The following DNAAF11 variants were observed in gnomAD, a reference collection of about 807,000 sequenced individuals.
DNAAF11 encodes the protein leucine rich repeat containing 6.
Under a neutral mutation model 60.8 loss-of-function variants are expected in DNAAF11, and 45 were observed. That is an observed-to-expected ratio of 0.74 (90% CI 0.58 to 0.95). DNAAF11 has a LOEUF of 0.95. Ranked by LOEUF, DNAAF11 falls within the 40% of genes least tolerant of loss-of-function variation. The probability of loss-of-function intolerance (pLI) is 0.00; values close to 1 mark genes in which losing one functional copy is unlikely to be tolerated. For synonymous variants in DNAAF11, 191 were observed against 183.5 expected (o/e 1.04, Z -0.33); for missense variants, 546 against 546.2 (o/e 1.00, Z 0.00).
intron 10 of DNAAF11, among the ~76,000 whole-genome samples, chr8:132,600,707 A>G (rs1294906365): frequency 6.6e-6 from 1 of 152,238 alleles, no homozygotes; most frequent in East Asian, 1.9e-4. Context: ...GTGCTGGGAA[A>G]ACTGGCTAGC....
rs374717230 is a variant in DNAAF11 at position 132,572,238 on chromosome 8, A to C, written c.*68T>G. The C allele has an allele frequency of 5.1e-4, 677 of 1,314,994 alleles. 13 individuals are homozygous for C. The South Asian group carries it at 9.5e-3, about 18-fold the overall frequency. The allele number at this position is 1,314,994 out of a possible 1,614,324, so 81.5% of individuals were successfully genotyped here. ...TGTGTTTATCCCAGGAATAATATGC[A>C]TATGGTCTCTACACCAACCAAAACT... On this transcript the variant is annotated 3_prime_UTR_variant, in exon 12 of 12. Transcript: ENST00000620350.
chr8:132,634,700 C>T (rs1821122084), intron 4 of DNAAF11, among the ~76,000 whole-genome samples: 1 of 149,124 alleles, frequency 6.7e-6, no homozygotes, highest in Admixed American at 6.7e-5. Context: ...ATAACTAATA[C>T]TATATAAATA....
chr8:132,644,912 C>A (rs995377132), intron 3 of DNAAF11, among the ~76,000 whole-genome samples: 2 of 152,186 alleles, frequency 1.3e-5, no homozygotes, highest in African/African-American at 4.8e-5. Context: ...GGGGGCAGGG[C>A]ATAGTTGAAC....
chr8:132,578,663 A>G (rs1275246514), intron 11 of DNAAF11: 1 of 583,214 alleles, frequency 1.7e-6, no homozygotes, highest in East Asian at 2.9e-5. Flanking sequence ...CTGGTTTCCT[A>G]GTAAGCTAGC....
chr8:132,658,640 G>A (rs1386188170), intron 2 of DNAAF11, among the ~76,000 whole-genome samples: 2 of 152,136 alleles, frequency 1.3e-5, no homozygotes, highest in African/African-American at 4.8e-5. Context: ...GTTTCTATGT[G>A]CTAAGAACTA....
chr8:132,698,944 A>ATTTTGTG, the DNAAF11 span, among the ~76,000 whole-genome samples: 1 of 142,542 alleles, frequency 7.0e-6, no homozygotes. Flanking sequence ...ATACATATAT[A>ATTTTGTG]TATATATATA....
chr8:132,674,055 GAGGAGGAGGAGC>G (rs1233337222), intron 1 of DNAAF11, among the ~76,000 whole-genome samples: 2 of 144,828 alleles, frequency 1.4e-5, no homozygotes, highest in African/African-American at 5.3e-5. Context: ...GAAGGAGCAG[GAGGAGGAGGAGC>G]AGGAGGAGGA....
intron 6 of DNAAF11, chr8:132,622,890 A>G: frequency 1.9e-6 from 1 of 534,530 alleles, no homozygotes; most frequent in Non-Finnish European, 3.3e-6. Flanking sequence ...CAGATTTTTT[A>G]TATGGTTGTA....
In DNAAF11 at chr8:132,661,558, G is replaced by C. The variant is rs777870754; in HGVS notation, c.80C>G (p.Ser27Trp). The C allele has an allele frequency of 3.7e-6, 6 of 1,613,546 alleles. No homozygotes were observed. Among genetic ancestry groups the C allele is most frequent in the East Asian group, 2.2e-5 (1 of 44,874 alleles). The part of the protein sequence containing the change: ...DCVIFSLEEL[S>W]LHQQEIERLE... ...TCTTTCTATTTCTTGCTGATGCAAC[G>C]AGAGTTCCTCCAGGGAAAAAATGAC... The change falls in exon 2 of 12, where the codon TCG becomes TGG. Residue 27 changes from serine (S) to tryptophan (W), a missense_variant. By Grantham distance (177) the Ser-to-Trp change is radical. Coordinates refer to ENST00000620350, the MANE Select transcript of DNAAF11 (RefSeq NM_012472.6).
chr8:132,657,985 T>C (rs1823748220), intron 2 of DNAAF11, among the ~76,000 whole-genome samples: 1 of 152,226 alleles, frequency 6.6e-6, no homozygotes, highest in Non-Finnish European at 1.5e-5. Flanking sequence ...AAAACTTTGC[T>C]AAGGAATGTG....
the DNAAF11 span, among the ~76,000 whole-genome samples, chr8:132,683,850 C>G: frequency 6.6e-6 from 1 of 152,154 alleles, no homozygotes; most frequent in Non-Finnish European, 1.5e-5. Context: ...CTATTTTCCT[C>G]CCACCCCTGG....
intron 3 of DNAAF11, among the ~76,000 whole-genome samples, chr8:132,645,831 A>G (rs1169579762): frequency 6.6e-6 from 1 of 152,228 alleles, no homozygotes. Flanking sequence ...GAAATATGGG[A>G]CTATGTGAAA....
chr8:132,609,504 G>C (rs867610508), intron 10 of DNAAF11, among the ~76,000 whole-genome samples: 1 of 152,098 alleles, frequency 6.6e-6, no homozygotes, highest in African/African-American at 2.4e-5. Context: ...AATGGTTCAG[G>C]ATTATGGTAA....
intron 10 of DNAAF11, among the ~76,000 whole-genome samples, chr8:132,586,042 A>G (rs989239363): frequency 2.6e-5 from 4 of 152,218 alleles, no homozygotes; most frequent in Admixed American, 2.6e-4. Context: ...AATCAGATTC[A>G]TGTCAATTAT....
chr8:132,694,535 A>T, the DNAAF11 span, among the ~76,000 whole-genome samples: 2 of 152,200 alleles, frequency 1.3e-5, no homozygotes, highest in African/African-American at 2.4e-5. Context: ...TGTTTAAGCC[A>T]CTCAGTTTAT....
intron 10 of DNAAF11, among the ~76,000 whole-genome samples, chr8:132,601,122 C>G (rs1158695520): frequency 6.6e-6 from 1 of 152,150 alleles, no homozygotes; most frequent in Non-Finnish European, 1.5e-5. Context: ...AGGATATGAA[C>G]AGACATTTCT....
At chr8:132,630,666 T>A (rs552595521) in intron 5 of DNAAF11, among the ~76,000 whole-genome samples, 1 of 152,030 alleles carries the variant, frequency 6.6e-6, no homozygotes, top group African/African-American at 2.4e-5. Flanking sequence ...ATCCAGAATC[T>A]AAAAGAACTC....
chr8:132,693,828 G>C, the DNAAF11 span, among the ~76,000 whole-genome samples: 111 of 152,246 alleles, frequency 7.3e-4, no homozygotes, highest in African/African-American at 2.5e-3. Flanking sequence ...ACATGCCCAG[G>C]GAAGGGCATG....
At chr8:132,643,445 A>G (rs1453997294) in intron 3 of DNAAF11, 3 of 341,332 alleles carry the variant, frequency 8.8e-6, no homozygotes, top group Non-Finnish European at 1.7e-5. Flanking sequence ...GGCAGGTAGG[A>G]TAAGAAAGGC....
Sources: gnomAD v4.1 joint callset for allele counts (sites outside exome capture counted in the v4.1 genomes callset) on GRCh38, gnomAD v4.1.1 for gene constraint, MANE v1.5 for transcripts, NCBI Gene and HGNC (gene_info 2026-07-23, HGNC 2026-07-21) for gene names.